The following NUP35 variants were observed in gnomAD, a reference collection of about 807,000 sequenced individuals.
The protein encoded by NUP35 is nucleoporin 35.
Under a neutral mutation model 41.5 loss-of-function variants are expected in NUP35, and 25 were observed. That is an observed-to-expected ratio of 0.60 (90% CI 0.44 to 0.84). NUP35 has a LOEUF of 0.84. Among genes scored for constraint, NUP35 ranks in the 40% least tolerant of loss-of-function variants. The pLI, the probability that NUP35 is intolerant of heterozygous loss-of-function variation, is 0.00. For synonymous variants in NUP35, 149 were observed against 130.7 expected, an observed-to-expected ratio of 1.14 and a Z score of -0.96; for missense variants, 396 against 396.6, an observed-to-expected ratio of 1.00 and a Z score of 0.01.
At chr2:183,156,530 G>A (rs1356957517) in intron 5 of NUP35, among the ~76,000 whole-genome samples, 6 of 151,910 alleles carry the variant, frequency 3.9e-5, no homozygotes, top group African/African-American at 1.4e-4. Context: ...TAGTAGAGGC[G>A]GGGTTTCACC....
chr2:183,137,525 G>A (rs72894535), intron 4 of NUP35, among the ~76,000 whole-genome samples: 4,919 of 152,302 alleles, frequency 0.032, 95 homozygotes, highest in Non-Finnish European at 0.043. Flanking sequence ...AGTCAAGGCT[G>A]TAGTGAACAG....
intron 4 of NUP35, among the ~76,000 whole-genome samples, chr2:183,136,389 A>G (rs370931553): frequency 3.6e-4 from 55 of 152,308 alleles, no homozygotes; most frequent in African/African-American, 1.3e-3. Context: ...GGCTTTGGGT[A>G]TGAATCTGCT....
chr2:183,125,312 T>C (rs1684421420), intron 1 of NUP35, among the ~76,000 whole-genome samples: 1 of 151,836 alleles, frequency 6.6e-6, no homozygotes, highest in Admixed American at 6.5e-5. Context: ...CTTGTGAGAA[T>C]CGTCGAAAAT....
At chr2:183,119,114 C>T (rs1454028945) in intron 1 of NUP35, among the ~76,000 whole-genome samples, 3 of 152,144 alleles carry the variant, frequency 2.0e-5, no homozygotes, top group Non-Finnish European at 4.4e-5. Flanking sequence ...CGGGAAGCTG[C>T]CGATCACCAG....
At chr2:183,122,567 A>G (rs1345323293), upstream of NUP35, among the ~76,000 whole-genome samples, 1 of 152,170 alleles carries the variant, frequency 6.6e-6, no homozygotes, top group Non-Finnish European at 1.5e-5. Flanking sequence ...ACTCATATCA[A>G]ATCCATCTAA....
At chr2:183,133,509 C>T (rs1980160) in intron 3 of NUP35, 57 bp from the exon 4 acceptor site, 205,657 of 1,369,330 alleles carry the variant, frequency 0.15, 18,142 homozygotes, top group African/African-American at 0.32. Context: ...AGCCTTTTAA[C>T]ACTTACTGTA....
At chr2:183,139,842 C>T (rs1685023245) in intron 4 of NUP35, among the ~76,000 whole-genome samples, 1 of 152,166 alleles carries the variant, frequency 6.6e-6, no homozygotes. Context: ...TTTGGGCCTC[C>T]ATAATTTGTG....
At chr2:183,130,371 C>T in intron 2 of NUP35, 47 bp from the exon 3 acceptor site, 1 of 1,500,396 alleles carries the variant, frequency 6.7e-7, no homozygotes, top group Non-Finnish European at 8.9e-7. Context: ...AAAAATCTTA[C>T]CAAAAAGAAG....
upstream of NUP35, among the ~76,000 whole-genome samples, chr2:183,119,691 G>A (rs1045549888): frequency 3.3e-5 from 5 of 152,006 alleles, no homozygotes; most frequent in African/African-American, 7.3e-5. Flanking sequence ...CTTTTTGGAG[G>A]GGGGTGGGCA....
chr2:183,127,656 G>T (rs910888021), intron 1 of NUP35, among the ~76,000 whole-genome samples: 1 of 152,214 alleles, frequency 6.6e-6, no homozygotes, highest in African/African-American at 2.4e-5. Flanking sequence ...GTATGTATAA[G>T]TAGTGCAGCC....
chr2:183,119,712 T>C (rs1700040200), upstream of NUP35, among the ~76,000 whole-genome samples: 1 of 151,986 alleles, frequency 6.6e-6, no homozygotes, highest in Admixed American at 6.6e-5. Context: ...GGGAACAGGG[T>C]CCAGCTCTGT....
Position 183,138,890 on chromosome 2 carries a change from G to A in NUP35, c.397+5267G>A, listed in dbSNP as rs2675095. 4.7e-3 allele frequency among the ~76,000 whole-genome samples: 709 copies of A among 152,242 alleles called. 4 individuals are homozygous for A. The highest frequency in any genetic ancestry group is 0.016 in the African/African-American group (684 of 41,532). On this transcript the variant is annotated intron_variant, in intron 4 of 8. Coordinates refer to ENST00000295119, the MANE Select transcript of NUP35 (RefSeq NM_138285.5). ...ATGCAAGGACCTCAGAGTTTTGATA[G>A]TGTTCCTGGAAGTGGGGGCCAAAAG...
intron 4 of NUP35, among the ~76,000 whole-genome samples, chr2:183,143,714 A>T (rs1430975416): frequency 6.6e-6 from 1 of 152,116 alleles, no homozygotes; most frequent in Non-Finnish European, 1.5e-5. Context: ...CTTATTATAT[A>T]CTTTACACTA....
chr2:183,146,307 A>C lies in NUP35; in HGVS notation c.398-5201A>C, dbSNP rs147460413. On this transcript the variant is annotated intron_variant, in intron 4 of 8. Coordinates refer to ENST00000295119, the MANE Select transcript of NUP35 (RefSeq NM_138285.5). ...CAATTTGAGTTCCTAGACTCCTTTG[A>C]ATTCAAATTTAGAAACTAGAACTAA... Among the ~76,000 whole-genome samples, 361 of 152,306 alleles carry C rather than the reference A, an allele frequency of 2.4e-3. 3 individuals are homozygous for C. The highest frequency in any genetic ancestry group is 8.3e-3 in the African/African-American group (345 of 41,564).
In NUP35 at chr2:183,157,520, C is replaced by T. The variant is rs554217176; in HGVS notation, c.609+7C>T. Reference sequence around the variant, plus strand: ...GAATATCTTAAAACATGTGGTAAGGCTTAATTTTTTTCAGTTCAGAGTTTT... The same window carrying T: ...GAATATCTTAAAACATGTGGTAAGGTTTAATTTTTTTCAGTTCAGAGTTTT... On this transcript the variant is annotated splice_region_variant and intron_variant, in intron 6 of 8. Transcript: ENST00000295119. 111 of 1,588,392 alleles carry T rather than the reference C, an allele frequency of 7.0e-5. 2 individuals carry two copies. The Admixed American group carries it at 1.6e-3, about 23-fold the overall frequency.
chr2:183,151,547 G>C lies in NUP35; in HGVS notation c.437G>C (p.Arg146Pro). Residue 146 changes from arginine (R) to proline (P), a missense_variant, in exon 5 of 9, where the codon CGA becomes CCA. By Grantham distance (103) the Arg-to-Pro change is moderately radical. Coordinates refer to ENST00000295119, the MANE Select transcript of NUP35 (RefSeq NM_138285.5). Reference protein sequence around the residue: ...MFSPASIGQPRKTTLSPAQLD... With the variant: ...MFSPASIGQPPKTTLSPAQLD... ...AGTCCAGCAAGTATCGGTCAGCCACGAAAGACGACATTATCTCCTGCCCAG... is the reference window on the plus strand; with the variant it reads ...AGTCCAGCAAGTATCGGTCAGCCACCAAAGACGACATTATCTCCTGCCCAG... 6.2e-7 allele frequency: 1 copy of C among 1,614,002 alleles called. No individual in the cohort carries two copies. The highest frequency in any genetic ancestry group is 8.5e-7 in the Non-Finnish European group (1 of 1,179,904).
Position 183,127,228 on chromosome 2 carries a change from G to T in NUP35, c.41-1059G>T, listed in dbSNP as rs1684524041. Among the ~76,000 whole-genome samples the T allele has an allele frequency of 2.0e-5, 3 of 151,574 alleles. 1 individual carries two copies. On this transcript the variant is annotated intron_variant, in intron 1 of 8. Coordinates refer to ENST00000295119, the MANE Select transcript of NUP35 (RefSeq NM_138285.5). ...ATTTTGTATCAATTGTGAGGTTTCAGTTCTCTAAGTTGGCTTTATATTAGG... is the reference window on the plus strand; with the variant it reads ...ATTTTGTATCAATTGTGAGGTTTCATTTCTCTAAGTTGGCTTTATATTAGG...
chr2:183,128,226 C>T (rs1030624828), intron 1 of NUP35, 61 bp from the exon 2 acceptor site: 29 of 1,313,272 alleles, frequency 2.2e-5, no homozygotes, highest in South Asian at 1.1e-4. Context: ...ATGTTTTTGT[C>T]ATCAACATGT....
chr2:183,138,269 A>ATATATATT, intron 4 of NUP35, among the ~76,000 whole-genome samples: 81 of 80,674 alleles, frequency 1.0e-3, no homozygotes, highest in African/African-American at 4.8e-3. Flanking sequence ...ATATATATAT[A>ATATATATT]TTTTTTTTTT....
Sources: allele counts gnomAD v4.1 joint callset (sites outside exome capture counted in the v4.1 genomes callset), GRCh38; gene constraint gnomAD v4.1.1; transcripts MANE v1.5; gene names NCBI Gene and HGNC (gene_info 2026-07-23, HGNC 2026-07-21).